SLC30A9: variants seen among roughly 807,000 people sequenced by gnomAD.
SLC30A9 encodes the protein proton-coupled zinc antiporter SLC30A9, mitochondrial.
In SLC30A9, 58 loss-of-function variants were observed where a neutral mutation model predicts 87.5. The observed-to-expected ratio is 0.66, with a 90% CI of 0.54 to 0.82. The LOEUF (loss-of-function observed/expected upper bound fraction) is 0.82, where lower values mean the gene tolerates loss of function less well. Among genes scored for constraint, SLC30A9 ranks in the 40% least tolerant of loss-of-function variants. SLC30A9 has a pLI of 0.00. For missense variants in SLC30A9, 557 were observed against 679.1 expected, an observed-to-expected ratio of 0.82 and a Z score of 2.00; for synonymous variants, 234 against 233.0, an observed-to-expected ratio of 1.00 and a Z score of -0.04.
chr4:42,042,717 G>A (rs554395034), intron 8 of SLC30A9, among the ~76,000 whole-genome samples: 3 of 152,284 alleles, frequency 2.0e-5, no homozygotes, highest in East Asian at 3.9e-4. Context: ...CACAGCGCTC[G>A]AGGTCTGCTA....
intron 6 of SLC30A9, among the ~76,000 whole-genome samples, chr4:42,025,010 C>T (rs1461182773): frequency 6.6e-6 from 1 of 152,086 alleles, no homozygotes; most frequent in Non-Finnish European, 1.5e-5. Flanking sequence ...TTTGGTTTCT[C>T]CTCTTTTTAG....
intron 2 of SLC30A9, among the ~76,000 whole-genome samples, chr4:42,002,015 G>C (rs1244449660): frequency 6.6e-6 from 1 of 151,598 alleles, no homozygotes; most frequent in African/African-American, 2.4e-5. Context: ...TTAATTTATT[G>C]GTATAAAGTG....
intron 9 of SLC30A9, among the ~76,000 whole-genome samples, chr4:42,049,766 T>A (rs1464325891): frequency 6.6e-6 from 1 of 152,194 alleles, no homozygotes; most frequent in Non-Finnish European, 1.5e-5. Flanking sequence ...TAATAGTCAA[T>A]GAATTTAAAC....
At chr4:42,033,578 G>A (rs17838947) in intron 6 of SLC30A9, among the ~76,000 whole-genome samples, 8 of 152,034 alleles carry the variant, frequency 5.3e-5, no homozygotes, top group Non-Finnish European at 8.8e-5. Context: ...ATACTTTCTG[G>A]TCTTGCTTTT....
chr4:42,073,675 A>T (rs1232860845), intron 15 of SLC30A9, among the ~76,000 whole-genome samples: 1 of 152,218 alleles, frequency 6.6e-6, no homozygotes, highest in African/African-American at 2.4e-5. Flanking sequence ...ATTGTTCGCA[A>T]GATTTAGCTC....
chr4:42,044,419 C>G (rs902935862), intron 8 of SLC30A9, among the ~76,000 whole-genome samples: 6 of 143,254 alleles, frequency 4.2e-5, no homozygotes, highest in African/African-American at 1.6e-4. Context: ...GGTTGCAATC[C>G]TAGTCTCTGA....
intron 2 of SLC30A9, among the ~76,000 whole-genome samples, chr4:42,002,079 T>C (rs866583615): frequency 1.3e-5 from 2 of 152,188 alleles, no homozygotes; most frequent in Middle Eastern, 6.8e-3. Flanking sequence ...TGTCCTTTTT[T>C]CATTCCTAAT....
chr4:41,990,651 G>A lies in SLC30A9; in HGVS notation c.-1G>A, dbSNP rs201412840. On this transcript the variant is annotated 5_prime_UTR_variant, in exon 1 of 18. Transcript: ENST00000264451. ...CGAGTAGGGGCCTCTGCCCCACCAGGATGTTACCCGGCTTGGCCGCCGCCG... is the reference window on the plus strand; with the variant it reads ...CGAGTAGGGGCCTCTGCCCCACCAGAATGTTACCCGGCTTGGCCGCCGCCG... 5.0e-6 allele frequency: 8 copies of A among 1,600,524 alleles called. No homozygotes were observed. The African/African-American group carries it at 8.0e-5, about 16-fold the overall frequency.
intron 6 of SLC30A9, among the ~76,000 whole-genome samples, chr4:42,027,465 C>T (rs1383425417): frequency 6.1e-5 from 9 of 147,210 alleles, no homozygotes; most frequent in African/African-American, 2.3e-4. Flanking sequence ...TGTACATGAC[C>T]TTTTTTTTTT....
At chr4:42,010,875 G>T (rs1310958823) in intron 2 of SLC30A9, among the ~76,000 whole-genome samples, 1 of 152,150 alleles carries the variant, frequency 6.6e-6, no homozygotes, top group Non-Finnish European at 1.5e-5. Flanking sequence ...CTGTAATCTG[G>T]GAGTGGCAGC....
chr4:42,011,911 A>T (rs1442049571), intron 2 of SLC30A9, among the ~76,000 whole-genome samples: 2 of 152,238 alleles, frequency 1.3e-5, no homozygotes, highest in Non-Finnish European at 2.9e-5. Flanking sequence ...AGTCATTGTC[A>T]GTAGGAGAGT....
chr4:42,035,481 C>A, intron 7 of SLC30A9, 148 bp downstream of exon 7: 25 of 789,104 alleles, frequency 3.2e-5, no homozygotes, highest in South Asian at 4.4e-5. Context: ...TCAATTCATT[C>A]ATTTCCGTCT....
intron 9 of SLC30A9, among the ~76,000 whole-genome samples, chr4:42,054,422 C>CA (rs1236040586): frequency 2.6e-5 from 4 of 151,494 alleles, no homozygotes; most frequent in African/African-American, 9.7e-5. Flanking sequence ...AATTTTACCT[C>CA]AAAAAAATTC....
At chr4:42,047,783 TG>T (rs1173383302) in intron 8 of SLC30A9, among the ~76,000 whole-genome samples, 2 of 152,242 alleles carry the variant, frequency 1.3e-5, no homozygotes, top group African/African-American at 4.8e-5. Flanking sequence ...TGCACGTGTA[TG>T]TTTTTTGTAG....
At chr4:42,055,532 G>A (rs1328768096) in intron 9 of SLC30A9, among the ~76,000 whole-genome samples, 3 of 152,122 alleles carry the variant, frequency 2.0e-5, no homozygotes, top group Non-Finnish European at 2.9e-5. Flanking sequence ...GACTACAGGC[G>A]CCCGCCACCA....
intron 1 of SLC30A9, among the ~76,000 whole-genome samples, chr4:41,998,500 G>A (rs906869054): frequency 2.0e-5 from 3 of 147,126 alleles, no homozygotes; most frequent in African/African-American, 4.9e-5. Context: ...GTTTTACACC[G>A]TCACCCTGGC....
intron 11 of SLC30A9, among the ~76,000 whole-genome samples, chr4:42,063,932 A>G (rs1403753081): frequency 2.0e-5 from 3 of 152,152 alleles, no homozygotes; most frequent in Non-Finnish European, 2.9e-5. Flanking sequence ...TCTCCTTATA[A>G]AAGACTCCTA....
At chr4:42,063,153 G>A (rs376797712) in intron 11 of SLC30A9, 32 bp downstream of exon 11, 2 of 1,604,714 alleles carry the variant, frequency 1.2e-6, no homozygotes, top group African/African-American at 1.3e-5. Context: ...CAGTTTTGAT[G>A]TCTTATGACA....
intron 10 of SLC30A9, among the ~76,000 whole-genome samples, chr4:42,061,211 T>A (rs1225715745): frequency 2.0e-5 from 3 of 152,236 alleles, no homozygotes; most frequent in Admixed American, 1.3e-4. Flanking sequence ...ATATTTTATA[T>A]CTGTCCAGTA....
Sources: allele counts gnomAD v4.1 joint callset (sites outside exome capture counted in the v4.1 genomes callset), GRCh38; gene constraint gnomAD v4.1.1; transcripts MANE v1.5; gene names NCBI Gene and HGNC (gene_info 2026-07-23, HGNC 2026-07-21).